TTC21B: variants seen among roughly 807,000 people sequenced by gnomAD.
TTC21B encodes tetratricopeptide repeat domain 21B.
TTC21B carries 127 observed loss-of-function variants against 175.1 expected under a neutral mutation model. The ratio of observed to expected loss-of-function variants is 0.73; its 90% CI spans 0.63 to 0.84. The LOEUF (loss-of-function observed/expected upper bound fraction) is 0.84. TTC21B is among the 40% of genes least tolerant of loss of function. The pLI, the probability that TTC21B is intolerant of heterozygous loss-of-function variation, is 0.00. For missense variants in TTC21B, 1,561 were observed against 1,558.3 expected (o/e 1.00, Z -0.03); for synonymous variants, 524 against 524.5 (o/e 1.00, Z 0.01).
intron 21 of TTC21B, among the ~76,000 whole-genome samples, chr2:165,898,980 T>C (rs1685463296): frequency 6.6e-6 from 1 of 152,196 alleles, no homozygotes. Flanking sequence ...TGAAACAGAT[T>C]GCTCTGCTTG....
In TTC21B at chr2:165,929,289, C is replaced by T. The variant is rs540514581; in HGVS notation, c.1232G>A (p.Arg411Gln). 3.1e-6 allele frequency: 5 copies of T among 1,612,184 alleles called. No homozygotes were observed. Among genetic ancestry groups the T allele is most frequent in the Admixed American group, 3.3e-5 (2 of 59,808 alleles). Residue 411 changes from arginine (R) to glutamine (Q), a missense_variant, in exon 11 of 29, where the codon CGA becomes CAA. Physicochemically the swap from Arg to Gln is conservative, Grantham distance 43 (BLOSUM62 1). Coordinates refer to ENST00000243344, the MANE Select transcript of TTC21B (RefSeq NM_024753.5). ...TAACAAATTAATAACTTCTTCTTGT[C>T]GTTTATTTTTCTTCATGGCAAGAAC... ...HAVLAMKKNK[R>Q]QEEVINLLND... is the part of the protein sequence containing the mutation.
At chr2:165,912,908 G>T (rs1196867395) in intron 16 of TTC21B, among the ~76,000 whole-genome samples, 5 of 152,248 alleles carry the variant, frequency 3.3e-5, no homozygotes, top group Non-Finnish European at 7.4e-5. Flanking sequence ...TTCATTTCCA[G>T]AAGTCATTAA....
At chr2:165,945,362 T>C (rs1687513373) in intron 4 of TTC21B, among the ~76,000 whole-genome samples, 162 bp downstream of exon 4, 3 of 152,208 alleles carry the variant, frequency 2.0e-5, no homozygotes, top group South Asian at 4.1e-4. Flanking sequence ...CAATACACTA[T>C]TAACCATATT....
intron 18 of TTC21B, 91 bp downstream of exon 18, chr2:165,911,236 A>C (rs1278141905): frequency 6.7e-7 from 1 of 1,487,630 alleles, no homozygotes; most frequent in Non-Finnish European, 9.3e-7. Flanking sequence ...CACAAATAAA[A>C]TATTGAGAAT....
At chr2:165,894,147 C>CGA (rs924944316) in intron 22 of TTC21B, among the ~76,000 whole-genome samples, 2 of 152,008 alleles carry the variant, frequency 1.3e-5, no homozygotes, top group Admixed American at 6.6e-5. Flanking sequence ...GGTTAGGATA[C>CGA]GACAGACTGG....
At chr2:165,912,179 T>A (rs893507832) in intron 17 of TTC21B, among the ~76,000 whole-genome samples, 2 of 152,038 alleles carry the variant, frequency 1.3e-5, no homozygotes, top group African/African-American at 4.8e-5. Context: ...TCAAAACACA[T>A]AGCTTGCAAA....
chr2:165,894,375 T>C (rs1685292518), intron 22 of TTC21B, among the ~76,000 whole-genome samples: 1 of 152,114 alleles, frequency 6.6e-6, no homozygotes, highest in Non-Finnish European at 1.5e-5. Context: ...AATAGAGCCT[T>C]AATCTAAAGT....
chr2:165,908,811 C>T (rs982965125), intron 18 of TTC21B, among the ~76,000 whole-genome samples: 3 of 152,038 alleles, frequency 2.0e-5, no homozygotes, highest in Admixed American at 2.0e-4. Flanking sequence ...TCTCTCTCCC[C>T]CTACAAACTT....
chr2:165,946,436 TC>T (rs1488053234), intron 3 of TTC21B, among the ~76,000 whole-genome samples: 1 of 152,236 alleles, frequency 6.6e-6, no homozygotes, highest in African/African-American at 2.4e-5. Flanking sequence ...CTCAAGTTAC[TC>T]CTAAATAAGT....
intron 1 of TTC21B, among the ~76,000 whole-genome samples, chr2:165,952,985 G>C (rs1334650900): frequency 1.3e-5 from 2 of 152,210 alleles, no homozygotes; most frequent in East Asian, 1.9e-4. Context: ...TGTAAAATCT[G>C]AGAAGGCAGA....
chr2:165,893,605 A>T (rs1456331809), intron 22 of TTC21B, among the ~76,000 whole-genome samples: 1 of 152,184 alleles, frequency 6.6e-6, no homozygotes, highest in Admixed American at 6.5e-5. Flanking sequence ...TAGCTGGTCC[A>T]TCTTTATTGA....
At chr2:165,887,533 A>C (rs527718966) in intron 25 of TTC21B, among the ~76,000 whole-genome samples, 1 of 152,062 alleles carries the variant, frequency 6.6e-6, no homozygotes, top group Admixed American at 6.6e-5. Flanking sequence ...CTAAAAATAC[A>C]AAAAATAGCC....
Position 165,874,488 on chromosome 2 carries a change from T to C in TTC21B, c.*267A>G. The C allele has an allele frequency of 3.3e-6, 1 of 304,610 alleles. No individual in the cohort carries two copies. 18.9% of individuals were successfully genotyped at this position (304,610 alleles called of 1,614,324 possible). ...CTAGATTTTAACAAAATATTCTTTA[T>C]AGAAATAATTATAGTCTTTACCACA... On this transcript the variant is annotated 3_prime_UTR_variant, in exon 29 of 29. Coordinates refer to ENST00000243344, the MANE Select transcript of TTC21B (RefSeq NM_024753.5).
intron 24 of TTC21B, among the ~76,000 whole-genome samples, chr2:165,889,654 A>C (rs1685123489): frequency 1.3e-5 from 2 of 152,134 alleles, no homozygotes; most frequent in African/African-American, 4.8e-5. Context: ...CCAAGCGTTA[A>C]AATCTGTTGT....
At chr2:165,906,800 C>T (rs1162405537) in intron 19 of TTC21B, among the ~76,000 whole-genome samples, 4 of 151,370 alleles carry the variant, frequency 2.6e-5, no homozygotes, top group African/African-American at 9.7e-5. Flanking sequence ...ACTAAAAATA[C>T]AAAAATTAGC....
At chr2:165,942,346 T>C (rs182366108) in intron 5 of TTC21B, among the ~76,000 whole-genome samples, 1 of 152,326 alleles carries the variant, frequency 6.6e-6, no homozygotes, top group African/African-American at 2.4e-5. Flanking sequence ...TCAATGGGGA[T>C]TGAAGAAAGG....
At chr2:165,901,611 C>T in intron 20 of TTC21B, 111 bp downstream of exon 20, 1 of 1,085,290 alleles carries the variant, frequency 9.2e-7, no homozygotes, top group South Asian at 1.3e-5. Context: ...GCATCAGCCA[C>T]TGCACCCTGC....
chr2:165,943,299 CT>C lies in TTC21B; in HGVS notation c.471del (p.Glu158SerfsTer8). Reference sequence around the variant, plus strand: ...TTCAGTGCTTTTTTAGTGTAAGGCTCTTTTCCTCTTGTAATATCAAGCCATG... The same window carrying C: ...TTCAGTGCTTTTTTAGTGTAAGGCTCTTTCCTCTTGTAATATCAAGCCATG... ...LKAWLDITRGKEPYTKKALKY... is the reference protein window; with the variant it reads ...LKAWLDITRGXEPYTKKALKY... On this transcript the variant is annotated frameshift_variant, in exon 5 of 29. Coordinates refer to ENST00000243344, the MANE Select transcript of TTC21B (RefSeq NM_024753.5). LOFTEE classifies it high-confidence loss of function. The C allele has an allele frequency of 6.2e-7, 1 of 1,611,292 alleles. No individual in the cohort carries two copies. Among genetic ancestry groups the C allele is most frequent in the African/African-American group, 1.3e-5 (1 of 74,980 alleles).
At chr2:165,917,075 C>T (rs1404730543) in intron 14 of TTC21B, among the ~76,000 whole-genome samples, 182 bp downstream of exon 14, 1 of 152,116 alleles carries the variant, frequency 6.6e-6, no homozygotes, top group Non-Finnish European at 1.5e-5. Context: ...GACAGGGTTT[C>T]ACCATATTGG....
Sources: allele counts gnomAD v4.1 joint callset (sites outside exome capture counted in the v4.1 genomes callset), GRCh38; gene constraint gnomAD v4.1.1; transcripts MANE v1.5; gene names NCBI Gene and HGNC (gene_info 2026-07-23, HGNC 2026-07-21).